The following CNTNAP2 variants were observed in gnomAD, a reference collection of about 807,000 sequenced individuals.
CNTNAP2 encodes the protein contactin associated protein 2.
CNTNAP2 carries 98 observed loss-of-function variants against 155.2 expected under a neutral mutation model. The ratio of observed to expected loss-of-function variants is 0.63; its 90% CI spans 0.54 to 0.75. The LOEUF (loss-of-function observed/expected upper bound fraction) is 0.75. Ranked by LOEUF, CNTNAP2 falls within the 30% of genes least tolerant of loss-of-function variation. CNTNAP2 has a pLI of 0.00. For synonymous variants in CNTNAP2, 651 were observed against 631.2 expected (o/e 1.03, Z -0.47); for missense variants, 1,727 against 1,688.1 (o/e 1.02, Z -0.40).
At chr7:147,313,643 C>A (rs75934906) in intron 9 of CNTNAP2, among the ~76,000 whole-genome samples, 5,264 of 151,870 alleles carry the variant, frequency 0.035, 127 homozygotes, top group South Asian at 0.053. Context: ...GGTACCATTA[C>A]CATGCTGTTT....
intron 8 of CNTNAP2, among the ~76,000 whole-genome samples, chr7:147,185,047 A>G (rs907105926): frequency 6.6e-6 from 1 of 152,184 alleles, no homozygotes; most frequent in African/African-American, 2.4e-5. Context: ...TACCCTGTAA[A>G]CCAGGAGGAC....
At chr7:147,872,222 G>A (rs530595166) in intron 13 of CNTNAP2, among the ~76,000 whole-genome samples, 1 of 152,200 alleles carries the variant, frequency 6.6e-6, no homozygotes, top group East Asian at 1.9e-4. Flanking sequence ...ACAGAATTTT[G>A]GGACTATTTA....
At chr7:147,779,698 A>G (rs1797636692) in intron 13 of CNTNAP2, among the ~76,000 whole-genome samples, 1 of 152,174 alleles carries the variant, frequency 6.6e-6, no homozygotes, top group African/African-American at 2.4e-5. Flanking sequence ...CTTGGAAAAT[A>G]CTAGACTCAG....
chr7:146,204,320 C>G (rs1001917568), intron 1 of CNTNAP2, among the ~76,000 whole-genome samples: 2 of 152,146 alleles, frequency 1.3e-5, no homozygotes, highest in African/African-American at 4.8e-5. Context: ...CTGCTGACTT[C>G]TAGCACTGAA....
intron 12 of CNTNAP2, among the ~76,000 whole-genome samples, chr7:147,633,394 A>G (rs1409295338): frequency 6.6e-6 from 1 of 152,228 alleles, no homozygotes; most frequent in Non-Finnish European, 1.5e-5. Flanking sequence ...CTGCTAGGGC[A>G]GTGCAGACGA....
chr7:147,928,012 T>C (rs897191184), intron 14 of CNTNAP2, among the ~76,000 whole-genome samples: 1 of 152,220 alleles, frequency 6.6e-6, no homozygotes, highest in African/African-American at 2.4e-5. Context: ...GATCATTGAA[T>C]TATGGGGCAG....
intron 20 of CNTNAP2, among the ~76,000 whole-genome samples, chr7:148,260,220 G>A (rs1344879892): frequency 6.6e-6 from 1 of 152,166 alleles, no homozygotes; most frequent in African/African-American, 2.4e-5. Context: ...TATTTAAAAT[G>A]TAGCTGATCC....
chr7:147,764,464 A>G (rs1344660549), intron 13 of CNTNAP2, among the ~76,000 whole-genome samples: 1 of 152,152 alleles, frequency 6.6e-6, no homozygotes, highest in Non-Finnish European at 1.5e-5. Context: ...TATCACCTGG[A>G]TTCCCAGATT....
rs138860443 is a variant in CNTNAP2, at chr7:147,886,868, C to T, written c.2099-16697C>T. Among the ~76,000 whole-genome samples the T allele has an allele frequency of 2.6e-3, 400 of 152,236 alleles. 1 individual carries two copies. The highest frequency in any genetic ancestry group is 4.6e-3 in the Non-Finnish European group (312 of 68,024). ...ATTTCTTTCAAAATGTTCAGATTTG[C>T]GTAATCGTGAAACCAAGCATTTACC... On this transcript the variant is annotated intron_variant, in intron 13 of 23. Coordinates refer to ENST00000361727, the MANE Select transcript of CNTNAP2 (RefSeq NM_014141.6).
intron 3 of CNTNAP2, among the ~76,000 whole-genome samples, chr7:147,007,777 C>G (rs187438269): frequency 7.3e-4 from 111 of 152,110 alleles, no homozygotes; most frequent in Non-Finnish European, 1.5e-3. Flanking sequence ...TGTGTAAGTA[C>G]TTCAGAACTA....
At chr7:148,335,235 C>T (rs1009819558) in intron 21 of CNTNAP2, among the ~76,000 whole-genome samples, 1 of 152,214 alleles carries the variant, frequency 6.6e-6, no homozygotes, top group Non-Finnish European at 1.5e-5. Context: ...TCTAATCCCA[C>T]AGCAGGTCTC....
At chr7:147,690,558 CA>C (rs1284008174) in intron 13 of CNTNAP2, among the ~76,000 whole-genome samples, 1 of 151,626 alleles carries the variant, frequency 6.6e-6, no homozygotes, top group African/African-American at 2.4e-5. Flanking sequence ...AAGGTATCCA[CA>C]AATAATTACA....
At chr7:146,820,182 T>C (rs192149953) in intron 2 of CNTNAP2, among the ~76,000 whole-genome samples, 9 of 152,302 alleles carry the variant, frequency 5.9e-5, no homozygotes, top group Non-Finnish European at 1.0e-4. Flanking sequence ...TGGTGAGTTT[T>C]ATGTTTTTTC....
chr7:147,543,209 A>G (rs1799669970), intron 11 of CNTNAP2, among the ~76,000 whole-genome samples: 1 of 152,236 alleles, frequency 6.6e-6, no homozygotes, highest in African/African-American at 2.4e-5. Flanking sequence ...GGGTTGAATT[A>G]AAGGAATAGG....
intron 1 of CNTNAP2, among the ~76,000 whole-genome samples, chr7:146,545,703 A>C (rs905761161): frequency 2.0e-5 from 3 of 151,970 alleles, no homozygotes; most frequent in African/African-American, 7.2e-5. Flanking sequence ...AAGGATGTGG[A>C]GAAATAGGAA....
chr7:147,336,236 C>A (rs746292200), intron 9 of CNTNAP2, among the ~76,000 whole-genome samples: 23 of 151,828 alleles, frequency 1.5e-4, no homozygotes, highest in Admixed American at 4.0e-4. Context: ...CAATCAAGAA[C>A]CTGAGAGGTT....
chr7:147,618,867 T>C (rs1200538809), intron 12 of CNTNAP2, among the ~76,000 whole-genome samples: 1 of 152,130 alleles, frequency 6.6e-6, no homozygotes, highest in Non-Finnish European at 1.5e-5. Flanking sequence ...AGAAGTGAAT[T>C]ACTTGAGGAT....
intron 3 of CNTNAP2, among the ~76,000 whole-genome samples, chr7:146,918,668 C>A (rs1212731214): frequency 6.6e-6 from 1 of 152,168 alleles, no homozygotes; most frequent in Non-Finnish European, 1.5e-5. Flanking sequence ...AGGCAGTGAT[C>A]CTTTTGCAAT....
chr7:148,200,080 C>T (rs929756161), intron 18 of CNTNAP2, among the ~76,000 whole-genome samples: 6 of 152,184 alleles, frequency 3.9e-5, no homozygotes, highest in Non-Finnish European at 8.8e-5. Context: ...TGCCCACTGA[C>T]AATTATGATC....
Sources: allele counts gnomAD v4.1 joint callset (sites outside exome capture counted in the v4.1 genomes callset), GRCh38; gene constraint gnomAD v4.1.1; transcripts MANE v1.5; gene names NCBI Gene and HGNC (gene_info 2026-07-23, HGNC 2026-07-21).